SUGCT: variants seen among roughly 807,000 people sequenced by gnomAD.
SUGCT encodes the protein succinyl-CoA:glutarate CoA-transferase.
SUGCT carries 41 observed loss-of-function variants against 55.0 expected under a neutral mutation model. The observed-to-expected ratio is 0.74, with a 90% CI of 0.58 to 0.97. The LOEUF (loss-of-function observed/expected upper bound fraction) is 0.97. Among genes scored for constraint, SUGCT ranks in the 50% least tolerant of loss-of-function variants. The pLI, the probability that SUGCT is intolerant of heterozygous loss-of-function variation, is 0.00. For synonymous variants in SUGCT, 187 were observed against 200.4 expected (o/e 0.93, Z 0.56); for missense variants, 568 against 547.8 (o/e 1.04, Z -0.37).
chr7:40,519,426 G>T lies in SUGCT; in HGVS notation c.1089+23040G>T, dbSNP rs545414281. Among the ~76,000 whole-genome samples, 3 of 152,042 alleles carry T rather than the reference G, an allele frequency of 2.0e-5. No individual in the cohort carries two copies. The East Asian group carries it at 5.8e-4, about 29-fold the overall frequency. ...AGAGGAAGCTAGCTAGAGTACATAG[G>T]AACCCTTTGTAGTATGTTTTCAACT... On this transcript the variant is annotated intron_variant, in intron 12 of 13. Transcript: ENST00000335693.
At chr7:40,487,425 G>T (rs12539765) in intron 11 of SUGCT, among the ~76,000 whole-genome samples, 1 of 151,546 alleles carries the variant, frequency 6.6e-6, no homozygotes, top group South Asian at 2.1e-4. Flanking sequence ...AATTTTTTAA[G>T]ACTTGTTTTG....
intron 1 of SUGCT, among the ~76,000 whole-genome samples, chr7:40,167,561 A>T (rs1035538053): frequency 2.0e-5 from 3 of 152,190 alleles, no homozygotes; most frequent in African/African-American, 7.2e-5. Context: ...TCTTGACCTC[A>T]CGGATTCCAA....
rs78916807 is a variant in SUGCT at position 40,401,597 on chromosome 7, A to G, written c.817-47690A>G. On this transcript the variant is annotated intron_variant, in intron 9 of 13. Coordinates refer to ENST00000335693, the MANE Select transcript of SUGCT (RefSeq NM_001193313.2). ...GTATTCTCTGAGGTTTGCCCTTCCA[A>G]CTTTGCAGTCTGGGAACTGACCATT... 7.5e-3 allele frequency among the ~76,000 whole-genome samples: 1,144 copies of G among 152,352 alleles called. 14 individuals are homozygous for G. The highest frequency in any genetic ancestry group is 0.026 in the African/African-American group (1,087 of 41,590).
At chr7:40,948,548 T>C in the SUGCT span, among the ~76,000 whole-genome samples, 2 of 149,038 alleles carry the variant, frequency 1.3e-5, no homozygotes, top group Non-Finnish European at 3.0e-5. Flanking sequence ...GGTGGTTTGC[T>C]GCATCCATCA....
intron 13 of SUGCT, among the ~76,000 whole-genome samples, chr7:40,826,021 GA>G (rs1399755407): frequency 6.6e-6 from 1 of 152,116 alleles, no homozygotes; most frequent in Non-Finnish European, 1.5e-5. Flanking sequence ...AATATATTAA[GA>G]AGGAGACTTA....
At chr7:40,768,459 T>C (rs1003501718) in intron 13 of SUGCT, among the ~76,000 whole-genome samples, 3 of 152,174 alleles carry the variant, frequency 2.0e-5, no homozygotes, top group Non-Finnish European at 4.4e-5. Context: ...AGGCACCTTT[T>C]GACCAGGAGG....
intron 9 of SUGCT, among the ~76,000 whole-genome samples, chr7:40,398,166 G>A (rs10807904): frequency 0.96 from 145,778 of 152,258 alleles, 70,110 homozygotes; most frequent in East Asian, 1. Flanking sequence ...ATCTCAGCAC[G>A]CTGCAACCTC....
chr7:40,912,416 A>G, the SUGCT span, among the ~76,000 whole-genome samples: 1 of 152,182 alleles, frequency 6.6e-6, no homozygotes, highest in South Asian at 2.1e-4. Flanking sequence ...ACAACTCCCA[A>G]TTATCCAACC....
chr7:40,177,808 G>A (rs894258975), intron 1 of SUGCT, among the ~76,000 whole-genome samples: 1 of 152,094 alleles, frequency 6.6e-6, no homozygotes, highest in Non-Finnish European at 1.5e-5. Context: ...GGAGTGCAGT[G>A]GTGTAATCTC....
the SUGCT span, among the ~76,000 whole-genome samples, chr7:40,918,389 A>G: frequency 6.8e-6 from 1 of 147,276 alleles, no homozygotes; most frequent in African/African-American, 2.5e-5. Flanking sequence ...TGAACCCGGG[A>G]GGCAGAGGTT....
intron 12 of SUGCT, among the ~76,000 whole-genome samples, chr7:40,604,966 C>T (rs913567009): frequency 6.6e-6 from 1 of 152,194 alleles, no homozygotes; most frequent in African/African-American, 2.4e-5. Context: ...CAACTTCACC[C>T]AGTCCTGCCA....
At chr7:40,281,355 T>C (rs1257318331) in intron 8 of SUGCT, among the ~76,000 whole-genome samples, 1 of 152,328 alleles carries the variant, frequency 6.6e-6, no homozygotes, top group East Asian at 1.9e-4. Flanking sequence ...GGCAGCACAG[T>C]CTATGACTAA....
chr7:40,513,379 C>G (rs1342430303), intron 12 of SUGCT, among the ~76,000 whole-genome samples: 1 of 152,104 alleles, frequency 6.6e-6, no homozygotes, highest in Non-Finnish European at 1.5e-5. Flanking sequence ...GTGTGGGCAT[C>G]TTGGGGAGCT....
At chr7:40,488,830 G>A (rs887255345) in intron 11 of SUGCT, among the ~76,000 whole-genome samples, 7 of 152,048 alleles carry the variant, frequency 4.6e-5, no homozygotes, top group African/African-American at 7.2e-5. Flanking sequence ...GAAATCTTCT[G>A]CCAGGTGTAT....
intron 12 of SUGCT, among the ~76,000 whole-genome samples, chr7:40,663,463 T>C (rs1801437243): frequency 6.6e-6 from 1 of 150,938 alleles, no homozygotes; most frequent in Non-Finnish European, 1.5e-5. Flanking sequence ...CTCACTATAT[T>C]CACCAAATTA....
chr7:40,793,385 T>G (rs1203464491), intron 13 of SUGCT: 2 of 152,196 alleles, frequency 1.3e-5, no homozygotes, highest in African/African-American at 4.8e-5. Context: ...CTTTTTACTT[T>G]GTTTTCATAG....
intron 13 of SUGCT, among the ~76,000 whole-genome samples, chr7:40,821,675 C>A (rs1341555585): frequency 6.6e-6 from 1 of 152,114 alleles, no homozygotes; most frequent in Admixed American, 6.5e-5. Context: ...ACTAGTCTTG[C>A]TAGCGGTCTG....
At chr7:40,818,258 C>A (rs1791780127) in intron 13 of SUGCT, among the ~76,000 whole-genome samples, 1 of 152,234 alleles carries the variant, frequency 6.6e-6, no homozygotes, top group Non-Finnish European at 1.5e-5. Context: ...GGTCTACACA[C>A]CTTGGATGCA....
intron 12 of SUGCT, among the ~76,000 whole-genome samples, chr7:40,667,264 T>C (rs1801694492): frequency 2.0e-5 from 3 of 152,226 alleles, no homozygotes; most frequent in Non-Finnish European, 4.4e-5. Context: ...TTGATTTGCA[T>C]ATGTTAAGCC....
Sources: allele counts gnomAD v4.1 joint callset (sites outside exome capture counted in the v4.1 genomes callset), GRCh38; gene constraint gnomAD v4.1.1; transcripts MANE v1.5; gene names NCBI Gene and HGNC (gene_info 2026-07-23, HGNC 2026-07-21).